The following TMEM63C variants were observed in gnomAD, a reference collection of about 807,000 sequenced individuals.
The protein encoded by TMEM63C is osmosensitive cation channel TMEM63C.
In TMEM63C, 32 loss-of-function variants were observed where a neutral mutation model predicts 99.2. The observed-to-expected ratio is 0.32, with a 90% CI of 0.24 to 0.43. The LOEUF (loss-of-function observed/expected upper bound fraction) is 0.43. TMEM63C is among the 20% of genes least tolerant of loss of function. TMEM63C has a pLI of 1.00. For synonymous variants in TMEM63C, 376 were observed against 397.9 expected (o/e 0.94, Z 0.66); for missense variants, 826 against 1,053.0 (o/e 0.78, Z 2.98).
intron 1 of TMEM63C, among the ~76,000 whole-genome samples, chr14:77,190,123 T>G (rs557405988): frequency 1.0e-3 from 154 of 152,080 alleles, no homozygotes; most frequent in Non-Finnish European, 1.5e-3. Context: ...TTATGATTAT[T>G]ATTATTATTA....
intron 8 of TMEM63C, among the ~76,000 whole-genome samples, chr14:77,234,976 C>A (rs1030232795): frequency 1.3e-5 from 2 of 152,294 alleles, no homozygotes; most frequent in African/African-American, 2.4e-5. Context: ...CACCTCCCAG[C>A]GCACCATTGC....
At chr14:77,239,812 G>C in intron 12 of TMEM63C, 86 bp downstream of exon 12, 1 of 1,524,504 alleles carries the variant, frequency 6.6e-7, no homozygotes, top group Non-Finnish European at 8.8e-7. Flanking sequence ...GCACTGTTGG[G>C]CCCCAGGCCT....
intron 22 of TMEM63C, among the ~76,000 whole-genome samples, chr14:77,252,346 G>A (rs529534596): frequency 6.6e-6 from 1 of 152,186 alleles, no homozygotes; most frequent in Admixed American, 6.5e-5. Flanking sequence ...TGAACTTGAG[G>A]TGGCCATGTT....
At position 77,256,648 on chromosome 14, in the gene TMEM63C, G is replaced by T; in HGVS notation, c.2343G>T (p.Leu781=). The change falls in exon 24 of 24, where the codon CTG becomes CTT. Residue 781 remains leucine, a synonymous_variant. Transcript: ENST00000298351. ...AAGAGGGAGAAGAAGAGAGTGGTCT[G>T]AGGGGCTTTGCGAGGGAGCTAGACT... ...QPEEGEEESG[L]RGFARELDSA... 1 of 1,614,036 alleles carries T rather than the reference G, an allele frequency of 6.2e-7. No individual in the cohort carries two copies. Among genetic ancestry groups the T allele is most frequent in the Non-Finnish European group, 8.5e-7 (1 of 1,179,908 alleles).
At position 77,240,521 on chromosome 14, in the gene TMEM63C, AC is replaced by A; in HGVS notation, c.978del (p.Asp326GlufsTer17). ...YYSELEEQLT[D>X]EFNAELNRVP... ...AGCGAGCTAGAGGAGCAGCTAACGG[AC>A]GAGTTCAACGCCGAGCTCAACCGCG... On this transcript the variant is annotated frameshift_variant, in exon 13 of 24. Transcript: ENST00000298351. LOFTEE classifies it high-confidence loss of function. 6.2e-7 allele frequency: 1 copy of A among 1,611,924 alleles called. No individual in the cohort carries two copies. The highest frequency in any genetic ancestry group is 8.5e-7 in the Non-Finnish European group (1 of 1,179,814).
rs1368507071 is a variant in TMEM63C at position 77,181,863 on chromosome 14, G to A, written c.-108G>A. 6.6e-6 allele frequency: 1 copy of A among 151,358 alleles called. No homozygotes were observed. Among genetic ancestry groups the A allele is most frequent in the Non-Finnish European group, 1.5e-5 (1 of 67,810 alleles). 9.4% of individuals were successfully genotyped at this position (151,358 alleles called of 1,614,324 possible). On this transcript the variant is annotated 5_prime_UTR_variant, in exon 1 of 24. Transcript: ENST00000298351. ...GCCTGGCGGCCTGAGCGCCGAGCCT[G>A]GGGCTGGGGCCGCGGTGCTGAGGAC...
chr14:77,225,384 G>C lies in TMEM63C; in HGVS notation c.313-40G>C, dbSNP rs367735332. ...TCCCAGAGCTGGGCAGGGCAGGCCAGGACCTGGGTTTTCTCACAGTTTCTC... is the reference window on the plus strand; with the variant it reads ...TCCCAGAGCTGGGCAGGGCAGGCCACGACCTGGGTTTTCTCACAGTTTCTC... On this transcript the variant is annotated intron_variant, in intron 5 of 23. Coordinates refer to ENST00000298351, the MANE Select transcript of TMEM63C (RefSeq NM_020431.4). 1,077 of 1,609,886 alleles carry C rather than the reference G, an allele frequency of 6.7e-4. 2 individuals carry two copies. Among genetic ancestry groups the C allele is most frequent in the Non-Finnish European group, 8.4e-4 (987 of 1,177,906 alleles).
chr14:77,189,337 C>T (rs1301666285), intron 1 of TMEM63C, among the ~76,000 whole-genome samples: 1 of 151,612 alleles, frequency 6.6e-6, no homozygotes, highest in Non-Finnish European at 1.5e-5. Flanking sequence ...AACCTGGTCA[C>T]AAATTCCTGG....
chr14:77,239,164 G>A (rs895777862), intron 10 of TMEM63C, among the ~76,000 whole-genome samples: 1 of 152,222 alleles, frequency 6.6e-6, no homozygotes, highest in African/African-American at 2.4e-5. Context: ...CTGTCTCCTG[G>A]GTTCCCCAGT....
At chr14:77,255,313 C>T (rs773474833) in intron 23 of TMEM63C, among the ~76,000 whole-genome samples, 4 of 152,194 alleles carry the variant, frequency 2.6e-5, no homozygotes, top group African/African-American at 4.8e-5. Context: ...TTTTAGTTAA[C>T]AATCTTTTTC....
rs190275700 is a variant in TMEM63C at position 77,208,472 on chromosome 14, C to T, written c.-76-4974C>T. ...CTCGGCATGGCTTGTCAGCAGAACA[C>T]GGCCTGAGCACCAGGGAGATCGCCT... is the stretch of plus-strand genomic sequence containing the variant. On this transcript the variant is annotated intron_variant, in intron 1 of 23. Transcript: ENST00000298351. Among the ~76,000 whole-genome samples the T allele has an allele frequency of 1.1e-3, 169 of 152,308 alleles. 1 individual carries two copies. The highest frequency in any genetic ancestry group is 3.8e-3 in the African/African-American group (159 of 41,564).
chr14:77,231,958 A>G (rs1406606371), intron 7 of TMEM63C, among the ~76,000 whole-genome samples: 1 of 152,226 alleles, frequency 6.6e-6, no homozygotes, highest in Non-Finnish European at 1.5e-5. Flanking sequence ...CAGCAGGCAC[A>G]TAGTATTAAT....
Position 77,242,949 on chromosome 14 carries a change from G to T in TMEM63C, c.1234G>T (p.Ala412Ser), listed in dbSNP as rs748952075. 2.5e-6 allele frequency: 4 copies of T among 1,613,838 alleles called. No individual in the cohort carries two copies. The highest frequency in any genetic ancestry group is 2.7e-5 in the African/African-American group (2 of 74,896). Reference protein sequence around the residue: ...RRFFWWARFIAINTFLFFLFF... With the variant: ...RRFFWWARFISINTFLFFLFF... The stretch of plus-strand genomic sequence containing the variant: ...CTTCTTTTGGTGGGCCCGCTTTATC[G>T]CAATCAACACCTTCCTCTTCTTCCT... Residue 412 changes from alanine to serine, a missense_variant, in exon 15 of 24, where the codon GCA (alanine) becomes TCA (serine). Coordinates refer to ENST00000298351, the MANE Select transcript of TMEM63C (RefSeq NM_020431.4).
chr14:77,211,818 T>C (rs758448541), intron 1 of TMEM63C, among the ~76,000 whole-genome samples: 3 of 152,064 alleles, frequency 2.0e-5, no homozygotes, highest in Non-Finnish European at 4.4e-5. Flanking sequence ...GGCCACACAC[T>C]CTCCCATCAG....
chr14:77,248,134 G>T (rs1889294712), intron 18 of TMEM63C, among the ~76,000 whole-genome samples: 1 of 152,120 alleles, frequency 6.6e-6, no homozygotes, highest in South Asian at 2.1e-4. Flanking sequence ...CTGCTCAGGG[G>T]ACTGCTTGTT....
chr14:77,242,306 C>T, intron 13 of TMEM63C, 41 bp from the exon 14 acceptor site: 1 of 1,591,598 alleles, frequency 6.3e-7, no homozygotes, highest in South Asian at 1.1e-5. Flanking sequence ...CATCCCCCCA[C>T]CCCCAGACCC....
rs562994553 is a variant in TMEM63C at position 77,215,730 on chromosome 14, C to G, written c.-14+2222C>G. 1.2e-4 allele frequency among the ~76,000 whole-genome samples: 19 copies of G among 152,272 alleles called. 1 individual carries two copies. The highest frequency in any genetic ancestry group is 1.2e-3 in the Admixed American group (18 of 15,290). On this transcript the variant is annotated intron_variant, in intron 2 of 23. Transcript: ENST00000298351. Reference sequence around the variant, plus strand: ...AGCATGTGTGCTGCCTTCCCTCCCACTCACCCAGCCAACAGCCTGACTCTC... The same window carrying G: ...AGCATGTGTGCTGCCTTCCCTCCCAGTCACCCAGCCAACAGCCTGACTCTC...
chr14:77,256,438 T>C, intron 23 of TMEM63C, 88 bp from the exon 24 acceptor site: 2 of 1,338,020 alleles, frequency 1.5e-6, no homozygotes, highest in South Asian at 1.3e-5. Context: ...ACAGAGGCGA[T>C]GGGGGTGGGG....
chr14:77,253,179 A>C (rs1011139924), intron 22 of TMEM63C, 126 bp from the exon 23 acceptor site: 7 of 837,800 alleles, frequency 8.4e-6, no homozygotes, highest in South Asian at 7.5e-5. Flanking sequence ...GAAGGTCTGG[A>C]AAGACAGAAG....
Sources: gnomAD v4.1 joint callset for allele counts (sites outside exome capture counted in the v4.1 genomes callset) on GRCh38, gnomAD v4.1.1 for gene constraint, MANE v1.5 for transcripts, NCBI Gene and HGNC (gene_info 2026-07-23, HGNC 2026-07-21) for gene names.